CTNNA3: variants seen among roughly 807,000 people sequenced by gnomAD.
The protein encoded by CTNNA3 is catenin alpha 3.
A neutral mutation model predicts 95.7 loss-of-function variants in CTNNA3; 76 were observed. The observed-to-expected ratio is 0.79, with a 90% CI of 0.66 to 0.96. CTNNA3 has a LOEUF of 0.96. CTNNA3 is among the 40% of genes least tolerant of loss of function. The pLI is 0.00. For synonymous variants in CTNNA3, 431 were observed against 374.4 expected (o/e 1.15, Z -1.74); for missense variants, 1,191 against 1,089.8 (o/e 1.09, Z -1.31).
intron 7 of CTNNA3, among the ~76,000 whole-genome samples, chr10:67,076,227 C>G (rs1001647311): frequency 2.6e-5 from 4 of 152,236 alleles, no homozygotes; most frequent in Non-Finnish European, 2.9e-5. Context: ...CTCCACCATC[C>G]TTATCTCTAA....
intron 1 of CTNNA3, among the ~76,000 whole-genome samples, chr10:67,671,317 A>C (rs910615753): frequency 1.3e-5 from 2 of 152,198 alleles, no homozygotes; most frequent in African/African-American, 2.4e-5. Flanking sequence ...TATAGAAAGA[A>C]CTTGGGCCCT....
At chr10:67,641,462 G>A (rs1330312758) in intron 2 of CTNNA3, among the ~76,000 whole-genome samples, 1 of 152,056 alleles carries the variant, frequency 6.6e-6, no homozygotes, top group Non-Finnish European at 1.5e-5. Context: ...TTCCTCAGGG[G>A]TCTAGAACTA....
chr10:67,363,524 A>G (rs923368289), intron 5 of CTNNA3, among the ~76,000 whole-genome samples: 2 of 152,114 alleles, frequency 1.3e-5, no homozygotes, highest in Non-Finnish European at 2.9e-5. Context: ...CAATGAATCC[A>G]GGAGCTGGTT....
chr10:66,329,397 G>A (rs2132312667), intron 12 of CTNNA3, among the ~76,000 whole-genome samples: 1 of 152,074 alleles, frequency 6.6e-6, no homozygotes, highest in Non-Finnish European at 1.5e-5. Context: ...ATCTCAGCCA[G>A]AAGCACCCTT....
chr10:66,941,630 T>A (rs1297833539), intron 7 of CTNNA3, among the ~76,000 whole-genome samples: 1 of 152,104 alleles, frequency 6.6e-6, no homozygotes, highest in African/African-American at 2.4e-5. Flanking sequence ...GAACACGATA[T>A]CAGTCTGCAG....
intron 5 of CTNNA3, among the ~76,000 whole-genome samples, chr10:67,498,221 G>A (rs1401801761): frequency 2.0e-5 from 3 of 152,090 alleles, no homozygotes; most frequent in Admixed American, 6.5e-5. Flanking sequence ...TTTTTGTCAG[G>A]TTTGTCAAGA....
intron 5 of CTNNA3, among the ~76,000 whole-genome samples, chr10:67,480,558 T>G (rs1416460455): frequency 6.6e-6 from 1 of 152,244 alleles, no homozygotes; most frequent in Admixed American, 6.5e-5. Context: ...AAGGCGTTCC[T>G]AAACCACAAA....
rs564122988 is a variant in CTNNA3, at chr10:66,789,295, C to T, written c.1048-13771G>A. On this transcript the variant is annotated intron_variant, in intron 7 of 17. Coordinates refer to ENST00000433211, the MANE Select transcript of CTNNA3 (RefSeq NM_013266.4). The stretch of plus-strand genomic sequence containing the variant: ...GGGTTCAAGTGCTTCTCCTGACAGC[C>T]TCCCGAGTAGCTGGGATTACAGGCA... 7.9e-5 allele frequency among the ~76,000 whole-genome samples: 12 copies of T among 152,132 alleles called. No homozygotes were observed. In the South Asian group the frequency reaches 2.5e-3, roughly 32 times the overall value.
chr10:67,702,596 A>G (rs980721193), intron 1 of CTNNA3, among the ~76,000 whole-genome samples: 1 of 152,248 alleles, frequency 6.6e-6, no homozygotes, highest in African/African-American at 2.4e-5. Flanking sequence ...AAGACACAAC[A>G]TGCCAGAATC....
intron 17 of CTNNA3, among the ~76,000 whole-genome samples, chr10:65,941,017 T>C (rs2077422165): frequency 6.6e-6 from 1 of 152,164 alleles, no homozygotes; most frequent in Non-Finnish European, 1.5e-5. Context: ...TGGATATAGA[T>C]AAGAAAAAGA....
At chr10:67,085,098 A>G (rs1350085996) in intron 7 of CTNNA3, among the ~76,000 whole-genome samples, 2 of 152,000 alleles carry the variant, frequency 1.3e-5, no homozygotes, top group Non-Finnish European at 2.9e-5. Context: ...TGCATTCAAT[A>G]TCTACTTTGA....
intron 17 of CTNNA3, among the ~76,000 whole-genome samples, chr10:65,926,103 A>G (rs1799714): frequency 0.15 from 22,553 of 150,354 alleles, 2,105 homozygotes; most frequent in South Asian, 0.22. Context: ...TATAACATAT[A>G]TGTGAAATTT....
At chr10:67,317,294 A>G (rs932361165) in intron 5 of CTNNA3, among the ~76,000 whole-genome samples, 2 of 151,794 alleles carry the variant, frequency 1.3e-5, no homozygotes, top group African/African-American at 4.8e-5. Flanking sequence ...CATGTGCCAT[A>G]CTGGTGTGCT....
chr10:66,659,363 AG>A lies in CTNNA3; in HGVS notation c.1282-37580del, dbSNP rs573406262. On this transcript the variant is annotated intron_variant, in intron 9 of 17. Transcript: ENST00000433211. ...CTTTGAGTAGAGACCTGTATAAGTGAGGAAGAGAACCATACAAAGATTTTTA... is the reference window on the plus strand; with the variant it reads ...CTTTGAGTAGAGACCTGTATAAGTGAGAAGAGAACCATACAAAGATTTTTA... 2.8e-3 allele frequency among the ~76,000 whole-genome samples: 429 copies of A among 152,274 alleles called. 1 individual carries two copies. The highest frequency in any genetic ancestry group is 0.01 in the African/African-American group (420 of 41,564).
chr10:67,709,086 C>T (rs1441187604), intron 1 of CTNNA3, among the ~76,000 whole-genome samples: 1 of 152,068 alleles, frequency 6.6e-6, no homozygotes, highest in Non-Finnish European at 1.5e-5. Flanking sequence ...TGCACAGAAT[C>T]ACTATGAATG....
intron 10 of CTNNA3, among the ~76,000 whole-genome samples, chr10:66,600,176 A>C (rs202185851): frequency 6.6e-6 from 1 of 151,560 alleles, no homozygotes; most frequent in Non-Finnish European, 1.5e-5. Flanking sequence ...AATTTATTTA[A>C]TGATTAAAGA....
At chr10:66,975,637 T>C (rs1307626638) in intron 7 of CTNNA3, among the ~76,000 whole-genome samples, 2 of 152,208 alleles carry the variant, frequency 1.3e-5, no homozygotes, top group African/African-American at 4.8e-5. Context: ...GGTTTGTGTA[T>C]AACTTTTCAG....
chr10:66,790,702 T>C (rs1363702099), intron 7 of CTNNA3, among the ~76,000 whole-genome samples: 1 of 152,190 alleles, frequency 6.6e-6, no homozygotes, highest in Admixed American at 6.5e-5. Context: ...TCTTATTATA[T>C]GAGTATATTA....
At chr10:66,733,704 A>G (rs1207969263) in intron 9 of CTNNA3, among the ~76,000 whole-genome samples, 1 of 151,686 alleles carries the variant, frequency 6.6e-6, no homozygotes. Context: ...GAGTTAGGAA[A>G]ATGATTACAT....
Sources: gnomAD v4.1 joint callset for allele counts (sites outside exome capture counted in the v4.1 genomes callset) on GRCh38, gnomAD v4.1.1 for gene constraint, MANE v1.5 for transcripts, NCBI Gene and HGNC (gene_info 2026-07-23, HGNC 2026-07-21) for gene names.